The following C1QTNF3 variants were observed in gnomAD, a reference collection of about 807,000 sequenced individuals.
C1QTNF3 encodes the protein complement C1q tumor necrosis factor-related protein 3.
A neutral mutation model predicts 32.6 loss-of-function variants in C1QTNF3; 26 were observed. That is an observed-to-expected ratio of 0.80 (90% CI 0.58 to 1.11). C1QTNF3 has a LOEUF of 1.11. Ranked by LOEUF, C1QTNF3 falls within the 50% of genes least tolerant of loss-of-function variation. The probability of loss-of-function intolerance (pLI) is 0.00; values close to 1 mark genes in which losing one functional copy is unlikely to be tolerated. For synonymous variants in C1QTNF3, 155 were observed against 146.0 expected (o/e 1.06, Z -0.44); for missense variants, 362 against 398.2 (o/e 0.91, Z 0.77).
At position 34,043,159 on chromosome 5, in the gene C1QTNF3, A is replaced by G; in HGVS notation, c.-34T>C. 6.3e-7 allele frequency: 1 copy of G among 1,587,368 alleles called. No individual in the cohort carries two copies. Among genetic ancestry groups the G allele is most frequent in the Non-Finnish European group, 8.6e-7 (1 of 1,168,794 alleles). ...ACAGAGCCTCAGAGTCTCCCTGAGA[A>G]GACAGCAGAGCTCCAGGAGCGTGGT... On this transcript the variant is annotated 5_prime_UTR_variant, in exon 1 of 6. Transcript: ENST00000382065.
chr5:34,227,770 T>C, the C1QTNF3 span, among the ~76,000 whole-genome samples: 4 of 151,852 alleles, frequency 2.6e-5, no homozygotes, highest in African/African-American at 9.7e-5. Context: ...ATTTAACCAA[T>C]AGCTGGGGGA....
chr5:34,224,874 A>C, the C1QTNF3 span, among the ~76,000 whole-genome samples: 1,877 of 152,276 alleles, frequency 0.012, 45 homozygotes, highest in African/African-American at 0.043. Context: ...CAGCCTACAA[A>C]ATGGGAGAAA....
the C1QTNF3 span, among the ~76,000 whole-genome samples, chr5:34,103,066 T>G: frequency 1.3e-5 from 2 of 152,230 alleles, no homozygotes; most frequent in African/African-American, 2.4e-5. Context: ...CAGTGGCATA[T>G]GATTTCCATT....
At chr5:34,125,719 T>C in the C1QTNF3 span, among the ~76,000 whole-genome samples, 1 of 152,242 alleles carries the variant, frequency 6.6e-6, no homozygotes, top group Middle Eastern at 3.2e-3. Context: ...ACATGAAATA[T>C]TCAACAGAAA....
chr5:34,213,790 T>TACACACACACAC, the C1QTNF3 span, among the ~76,000 whole-genome samples: 2 of 10,298 alleles, frequency 1.9e-4, no homozygotes, highest in African/African-American at 2.4e-4. Context: ...TATATACATA[T>TACACACACACAC]ATATATATAT....
At chr5:34,025,532 C>T (rs372113888) in intron 4 of C1QTNF3, among the ~76,000 whole-genome samples, 2 of 152,176 alleles carry the variant, frequency 1.3e-5, no homozygotes, top group African/African-American at 4.8e-5. Flanking sequence ...ATTTGCACTA[C>T]GGTTTGGAGG....
At chr5:34,047,284 G>A (rs537954376), upstream of C1QTNF3, among the ~76,000 whole-genome samples, 1 of 152,266 alleles carries the variant, frequency 6.6e-6, no homozygotes, top group Non-Finnish European at 1.5e-5. Flanking sequence ...CCACTAATGT[G>A]AGCAGCAGAG....
At chr5:34,043,466 G>T (rs750076796), upstream of C1QTNF3, 2 of 263,882 alleles carry the variant, frequency 7.6e-6, no homozygotes, top group South Asian at 1.5e-4. Flanking sequence ...CATGTGTCCA[G>T]CAGTTTGCTT....
the C1QTNF3 span, among the ~76,000 whole-genome samples, chr5:34,121,476 G>T: frequency 1.7e-4 from 26 of 152,074 alleles, no homozygotes; most frequent in Middle Eastern, 3.2e-3. Context: ...TGCAAAAGCA[G>T]AAACCCCTGA....
the C1QTNF3 span, among the ~76,000 whole-genome samples, chr5:34,091,946 T>G: frequency 6.6e-6 from 1 of 152,010 alleles, no homozygotes; most frequent in Non-Finnish European, 1.5e-5. Flanking sequence ...AAAAAGTTTA[T>G]TCAATTGTTA....
chr5:34,147,719 G>A, the C1QTNF3 span, among the ~76,000 whole-genome samples: 1 of 152,102 alleles, frequency 6.6e-6, no homozygotes, highest in African/African-American at 2.4e-5. Context: ...CATGTACTAT[G>A]CTTACTACCT....
the C1QTNF3 span, among the ~76,000 whole-genome samples, chr5:34,102,766 G>A: frequency 1.3e-5 from 2 of 152,022 alleles, no homozygotes; most frequent in Non-Finnish European, 2.9e-5. Flanking sequence ...AACACTGCAT[G>A]TTCTCACTCA....
the C1QTNF3 span, among the ~76,000 whole-genome samples, chr5:34,237,253 A>G: frequency 3.9e-5 from 6 of 152,332 alleles, no homozygotes; most frequent in African/African-American, 1.4e-4. Flanking sequence ...GGGTAAAATG[A>G]CAAATTCCAA....
the C1QTNF3 span, among the ~76,000 whole-genome samples, chr5:34,145,882 A>G: frequency 6.6e-6 from 1 of 152,162 alleles, no homozygotes; most frequent in Non-Finnish European, 1.5e-5. Context: ...TTCACCACAT[A>G]AACAGAATTA....
the C1QTNF3 span, among the ~76,000 whole-genome samples, chr5:34,223,156 C>T: frequency 2.9e-5 from 4 of 138,576 alleles, no homozygotes; most frequent in Non-Finnish European, 6.3e-5. Context: ...TCTCCTAATG[C>T]TATCCCTCCC....
the C1QTNF3 span, among the ~76,000 whole-genome samples, chr5:34,146,375 T>C: frequency 3.4e-4 from 51 of 152,232 alleles, no homozygotes; most frequent in Admixed American, 2.6e-3. Context: ...TCTAGGTAAA[T>C]AGAACAAATC....
the C1QTNF3 span, among the ~76,000 whole-genome samples, chr5:34,051,217 C>T: frequency 6.6e-6 from 1 of 152,190 alleles, no homozygotes; most frequent in African/African-American, 2.4e-5. Context: ...TAACCTGGTC[C>T]TAGATGGCAT....
At chr5:34,237,675 G>A in the C1QTNF3 span, among the ~76,000 whole-genome samples, 1 of 152,136 alleles carries the variant, frequency 6.6e-6, no homozygotes, top group Non-Finnish European at 1.5e-5. Context: ...AATGCTGAGT[G>A]GATGGAGAGG....
intron 4 of C1QTNF3, among the ~76,000 whole-genome samples, chr5:34,027,577 A>G (rs1754495582): frequency 6.6e-6 from 1 of 152,080 alleles, no homozygotes; most frequent in South Asian, 2.1e-4. Context: ...CTGGGTCTGC[A>G]GTCCCAGCTA....
Sources: gnomAD v4.1 joint callset for allele counts (sites outside exome capture counted in the v4.1 genomes callset) on GRCh38, gnomAD v4.1.1 for gene constraint, MANE v1.5 for transcripts, NCBI Gene and HGNC (gene_info 2026-07-23, HGNC 2026-07-21) for gene names.